Variants in RDH13 observed in about 807,000 individuals in gnomAD.
RDH13 encodes the protein retinol dehydrogenase 13, also known as retinol dehydrogenase 13 (all-trans and 9-cis).
RDH13 carries 35 observed loss-of-function variants against 28.3 expected under a neutral mutation model. That is an observed-to-expected ratio of 1.24 (90% CI 0.95 to 1.64). The LOEUF is 1.64. Among genes scored for constraint, RDH13 ranks in the 40% most tolerant of loss-of-function variants. The pLI is 0.00. For synonymous variants in RDH13, 229 were observed against 198.5 expected, an observed-to-expected ratio of 1.15 and a Z score of -1.29; for missense variants, 514 against 446.3, an observed-to-expected ratio of 1.15 and a Z score of -1.37.
upstream of RDH13, among the ~76,000 whole-genome samples, chr19:55,064,750 C>CAT (rs1568745411): frequency 7.2e-6 from 1 of 139,210 alleles, no homozygotes; most frequent in African/African-American, 2.7e-5. Flanking sequence ...GTAGCTGGGG[C>CAT]TACAGGCACG....
At chr19:55,062,510 C>T (rs1440316862) in intron 1 of RDH13, among the ~76,000 whole-genome samples, 2 of 152,076 alleles carry the variant, frequency 1.3e-5, no homozygotes, top group East Asian at 1.9e-4. Flanking sequence ...GGCAAAACCC[C>T]GTCTCTGCGA....
intron 5 of RDH13, among the ~76,000 whole-genome samples, chr19:55,047,765 T>C (rs1270558282): frequency 6.6e-6 from 1 of 152,142 alleles, no homozygotes; most frequent in Non-Finnish European, 1.5e-5. Context: ...CGGTGGGACC[T>C]AAGATACTGT....
chr19:55,060,966 C>T (rs964064532), intron 1 of RDH13, among the ~76,000 whole-genome samples: 2 of 152,166 alleles, frequency 1.3e-5, no homozygotes, highest in African/African-American at 4.8e-5. Context: ...AAACATGTCT[C>T]ACTGGAATAA....
chr19:55,045,126 C>T lies in RDH13; in HGVS notation c.944G>A (p.Arg315His), dbSNP rs769504840. Residue 315 changes from arginine to histidine, a missense_variant, in exon 7 of 7, where the codon CGC becomes CAC. Transcript: ENST00000415061. ...AGAGGGAGCCTCTAAGCCCACCAGG[C>T]GGGCACTTTCAGCCCAAAGCCTCCG... ...VARRLWAESARLVGLEAPSVR... is the reference protein window; with the variant it reads ...VARRLWAESAHLVGLEAPSVR... 1.4e-5 allele frequency: 22 copies of T among 1,613,252 alleles called. No homozygotes were observed. Among genetic ancestry groups the T allele is most frequent in the Middle Eastern group, 1.6e-4 (1 of 6,084 alleles).
At chr19:55,060,124 A>C (rs113783122) in intron 1 of RDH13, among the ~76,000 whole-genome samples, 1,926 of 149,362 alleles carry the variant, frequency 0.013, 47 homozygotes, top group African/African-American at 0.046. Flanking sequence ...ACACCCGTAA[A>C]GGGTCTGTGC....
chr19:55,059,699 AAG>A (rs1299927520), intron 1 of RDH13, among the ~76,000 whole-genome samples: 1 of 152,184 alleles, frequency 6.6e-6, no homozygotes, highest in Non-Finnish European at 1.5e-5. Flanking sequence ...GTGTAGGGAA[AAG>A]AGAGATTAGA....
At chr19:55,066,612 C>G (rs1177524109), upstream of RDH13, among the ~76,000 whole-genome samples, 1 of 149,460 alleles carries the variant, frequency 6.7e-6, no homozygotes, top group Non-Finnish European at 1.5e-5. Flanking sequence ...TTTTCTTCCT[C>G]TCTTCTTGTC....
rs754926169 is a variant in RDH13 at position 55,050,112 on chromosome 19, A to AT, written c.341-1350dup. On this transcript the variant is annotated intron_variant, in intron 3 of 6. Coordinates refer to ENST00000415061, the MANE Select transcript of RDH13 (RefSeq NM_001145971.2). ...GCTGCAATTTCACTGCCCCCAGCCTATTTTTTTTTTTTTGGGGGGGGGAGA... is the reference window on the plus strand; with the variant it reads ...GCTGCAATTTCACTGCCCCCAGCCTATTTTTTTTTTTTTTGGGGGGGGGAGA... 4.6e-3 allele frequency among the ~76,000 whole-genome samples: 490 copies of AT among 106,792 alleles called. 5 individuals carry two copies. The highest frequency in any genetic ancestry group is 0.014 in the African/African-American group (436 of 32,028). 70.1% of individuals were successfully genotyped at this position (106,792 alleles called of 152,430 possible).
At position 55,063,023 on chromosome 19, in the gene RDH13, A is replaced by G. The variant is rs771922032; in HGVS notation, c.10T>C (p.Tyr4His). 5 of 1,447,370 alleles carry G rather than the reference A, an allele frequency of 3.5e-6. No homozygotes were observed. The highest frequency in any genetic ancestry group is 1.4e-5 in the South Asian group (1 of 70,754). The allele number at this position is 1,447,370 out of a possible 1,614,324, so 89.7% of individuals were successfully genotyped here. The part of the protein sequence containing the change: MSR[Y>H]LLPLSALGTV... ...CCCAGCGCCGACAGCGGCAGCAGGT[A>G]GCGGCTCATGCCGGGCCGGGGACAG... Residue 4 changes from tyrosine to histidine, a missense_variant, in exon 1 of 7, where the codon TAC becomes CAC. Transcript: ENST00000415061.
rs747477243 is a variant in RDH13 at position 55,047,425 on chromosome 19, G to A, written c.722C>T (p.Thr241Met). The A allele has an allele frequency of 1.7e-5, 27 of 1,611,552 alleles. No individual in the cohort carries two copies. Among genetic ancestry groups the A allele is most frequent in the African/African-American group, 2.7e-5 (2 of 74,918 alleles). The change falls in exon 6 of 7, where the codon ACG (threonine) becomes ATG (methionine). Residue 241 changes from threonine to methionine, a missense_variant. Physicochemically the swap from Thr to Met is moderately conservative, Grantham distance 81. Transcript: ENST00000415061. ...GGAGAAGGTGGAGCCATGGATGCCCGTGTGTCTGCCCAGCTCTGTCCTGGC... is the reference window on the plus strand; with the variant it reads ...GGAGAAGGTGGAGCCATGGATGCCCATGTGTCTGCCCAGCTCTGTCCTGGC... ...GVARTELGRHTGIHGSTFSST... is the reference protein window; with the variant it reads ...GVARTELGRHMGIHGSTFSST...
chr19:55,048,259 T>C, intron 5 of RDH13, 70 bp downstream of exon 5: 2 of 1,599,118 alleles, frequency 1.3e-6, no homozygotes, highest in Non-Finnish European at 1.7e-6. Context: ...CCCATCAGCC[T>C]AGGATCATGG....
At chr19:55,040,544 A>C (rs1448412591), downstream of RDH13, 1 of 152,180 alleles carries the variant, frequency 6.6e-6, no homozygotes, top group Non-Finnish European at 1.5e-5. Flanking sequence ...TCTTCCCTAC[A>C]TCTCTCATTC....
chr19:55,062,474 G>T (rs1373842251), intron 1 of RDH13, among the ~76,000 whole-genome samples: 1 of 152,138 alleles, frequency 6.6e-6, no homozygotes, highest in East Asian at 1.9e-4. Context: ...CTGAGGGCAG[G>T]TGTTTGAGAC....
Position 55,045,272 on chromosome 19 carries a change from C to A in RDH13, c.798G>T (p.Leu266=). 6.2e-7 allele frequency: 1 copy of A among 1,612,926 alleles called. No individual in the cohort carries two copies. Residue 266 remains leucine, a synonymous_variant, in exon 7 of 7, where the codon CTG becomes CTT. Transcript: ENST00000415061. ...CCAGGTATGTGCTGGGCTGGGCGGC[C>A]AGCTCGGGGCTCTTGACCAGCAGCC... ...IFWLLVKSPE[L]AAQPSTYLAV... is the part of the protein sequence containing the mutation.
In RDH13 at chr19:55,044,783, C is replaced by A. The variant is rs532964181; in HGVS notation, c.*291G>T. On this transcript the variant is annotated 3_prime_UTR_variant, in exon 7 of 7. Coordinates refer to ENST00000415061, the MANE Select transcript of RDH13 (RefSeq NM_001145971.2). ...GCTCTCCTGACGTGGCCTGCAAGTG[C>A]ACGGAGCCCCTTCCTCCTCGGCCAT... 1.9e-4 allele frequency: 84 copies of A among 439,306 alleles called. No homozygotes were observed. The highest frequency in any genetic ancestry group is 1.5e-3 in the African/African-American group (73 of 49,736). 27.2% of individuals were successfully genotyped at this position (439,306 alleles called of 1,614,324 possible).
chr19:55,058,901 G>T (rs138356237), intron 2 of RDH13, among the ~76,000 whole-genome samples: 1 of 152,148 alleles, frequency 6.6e-6, no homozygotes, highest in Non-Finnish European at 1.5e-5. Context: ...GGCTGGTCTC[G>T]AACTCCTGAC....
intron 3 of RDH13, 70 bp from the exon 4 acceptor site, chr19:55,048,833 C>A: frequency 7.7e-7 from 1 of 1,301,720 alleles, no homozygotes; most frequent in Non-Finnish European, 1.1e-6. Context: ...CCAGCAGAAA[C>A]ACTCCTGTGC....
chr19:55,049,564 C>T (rs1226454174), intron 3 of RDH13, among the ~76,000 whole-genome samples: 1 of 152,026 alleles, frequency 6.6e-6, no homozygotes, highest in Non-Finnish European at 1.5e-5. Context: ...CCGAGGTGGG[C>T]AGATCACCTG....
intron 6 of RDH13, 69 bp downstream of exon 6, chr19:55,047,318 T>G: frequency 6.4e-7 from 1 of 1,566,182 alleles, no homozygotes; most frequent in Non-Finnish European, 8.6e-7. Flanking sequence ...GGGAGGGTCC[T>G]GGGCCCTGGG....
Sources: gnomAD v4.1 joint callset for allele counts (sites outside exome capture counted in the v4.1 genomes callset) on GRCh38, gnomAD v4.1.1 for gene constraint, MANE v1.5 for transcripts, NCBI Gene and HGNC (gene_info 2026-07-23, HGNC 2026-07-21) for gene names.